The following GLDN variants were observed in gnomAD, a reference collection of about 807,000 sequenced individuals.
The protein encoded by GLDN is gliomedin.
Under a neutral mutation model 56.5 loss-of-function variants are expected in GLDN, and 47 were observed. That is an observed-to-expected ratio of 0.83 (90% confidence interval 0.66 to 1.06). The LOEUF is 1.06. GLDN is among the 50% of genes least tolerant of loss of function. The probability of loss-of-function intolerance (pLI) is 0.00; values close to 1 mark genes in which losing one functional copy is unlikely to be tolerated. For synonymous variants in GLDN, 332 were observed against 278.8 expected, an observed-to-expected ratio of 1.19 and a Z score of -1.90; for missense variants, 782 against 714.3, an observed-to-expected ratio of 1.09 and a Z score of -1.08.
chr15:51,355,574 A>G (rs1184564397), intron 1 of GLDN, among the ~76,000 whole-genome samples: 1 of 135,976 alleles, frequency 7.4e-6, no homozygotes, highest in Non-Finnish European at 1.5e-5. Flanking sequence ...CCCAGGCTGG[A>G]GTCCAGTGGC....
chr15:51,378,641 G>T (rs2037688971), intron 2 of GLDN, among the ~76,000 whole-genome samples: 1 of 152,234 alleles, frequency 6.6e-6, no homozygotes, highest in South Asian at 2.1e-4. Context: ...TGCACTGGAA[G>T]TGGGTTGAGT....
At chr15:51,355,256 G>C (rs2037151994) in intron 1 of GLDN, among the ~76,000 whole-genome samples, 1 of 152,160 alleles carries the variant, frequency 6.6e-6, no homozygotes, top group South Asian at 2.1e-4. Flanking sequence ...GGCTAAATAT[G>C]GGGTAGATTA....
chr15:51,412,554 A>G (rs2038478150), downstream of GLDN, among the ~76,000 whole-genome samples: 1 of 152,208 alleles, frequency 6.6e-6, no homozygotes, highest in Non-Finnish European at 1.5e-5. Context: ...ACTTTTGCTA[A>G]TACTAACATA....
At chr15:51,383,397 C>G in intron 2 of GLDN, 39 bp from the exon 3 acceptor site, 1 of 1,611,904 alleles carries the variant, frequency 6.2e-7, no homozygotes, top group Non-Finnish European at 8.5e-7. Flanking sequence ...TTTCTGGGTT[C>G]GGTGCTGGTT....
intron 1 of GLDN, among the ~76,000 whole-genome samples, chr15:51,370,027 G>C (rs1242336973): frequency 1.3e-5 from 2 of 152,124 alleles, no homozygotes; most frequent in Non-Finnish European, 2.9e-5. Flanking sequence ...GAGGCAGGAG[G>C]ATCTCCTGAG....
downstream of GLDN, among the ~76,000 whole-genome samples, chr15:51,411,119 T>A (rs1418622470): frequency 6.6e-6 from 1 of 152,238 alleles, no homozygotes; most frequent in Admixed American, 6.5e-5. Context: ...AGGTGGCTAC[T>A]GCTAAGCTTG....
downstream of GLDN, among the ~76,000 whole-genome samples, chr15:51,412,885 C>T (rs143593116): frequency 6.6e-6 from 1 of 152,074 alleles, no homozygotes; most frequent in Non-Finnish European, 1.5e-5. Context: ...GAAACTTTAC[C>T]GTCTATGAGC....
Position 51,401,615 on chromosome 15 carries a change from G to C in GLDN, c.1050G>C (p.Lys350Asn). Reference sequence around the variant, plus strand: ...CAGGCATCATGGTTAAGGAATTCAAGGATCAGCCCTCACTTCTGAATGGCA... The same window carrying C: ...CAGGCATCATGGTTAAGGAATTCAACGATCAGCCCTCACTTCTGAATGGCA... ...HFSGIMVKEF[K>N]DQPSLLNGSY... Residue 350 changes from lysine to asparagine, a missense_variant, in exon 9 of 10, where the codon AAG (lysine) becomes AAC (asparagine). Physicochemically the swap from Lys to Asn is moderately conservative, Grantham distance 94. Transcript: ENST00000335449. 8 of 1,613,986 alleles carry C rather than the reference G, an allele frequency of 5.0e-6. No homozygotes were observed. The highest frequency in any genetic ancestry group is 6.8e-6 in the Non-Finnish European group (8 of 1,179,912).
intron 2 of GLDN, 107 bp downstream of exon 2, chr15:51,377,607 G>T: frequency 1.4e-6 from 1 of 734,118 alleles, no homozygotes; most frequent in Non-Finnish European, 2.2e-6. Flanking sequence ...AATACATGTT[G>T]GTTTACTTTT....
rs1566954117 is a variant in GLDN, at chr15:51,404,610, C to G, written c.1512C>G (p.Ile504Met). 1.9e-6 allele frequency: 3 copies of G among 1,614,042 alleles called. No individual in the cohort carries two copies. The highest frequency in any genetic ancestry group is 2.2e-5 in the South Asian group (2 of 91,062). Residue 504 changes from isoleucine (I) to methionine (M), a missense_variant, in exon 10 of 10, where the codon ATC (isoleucine) becomes ATG (methionine). Coordinates refer to ENST00000335449, the MANE Select transcript of GLDN (RefSeq NM_181789.4). ...TTGATTTGTTAGGAGGGAAACAGAT[C>G]AATGCAAACTTTGATTTAAGAACTT... is the stretch of plus-strand genomic sequence containing the variant. ...FAFDLLGGKQ[I>M]NANFDLRTSQ...
At position 51,342,005 on chromosome 15, in the gene GLDN, G is replaced by C; in HGVS notation, c.321G>C (p.Glu107Asp). ...SGEPAPHIRA[E>D]SHDMLMMMTY... ...AGCCCGCGCCGCATATCCGCGCCGAGAGCCATGACATGCTGATGATGATGA... is the reference window on the plus strand; with the variant it reads ...AGCCCGCGCCGCATATCCGCGCCGACAGCCATGACATGCTGATGATGATGA... Residue 107 changes from glutamate to aspartate, a missense_variant, in exon 1 of 10, where the codon GAG becomes GAC. Coordinates refer to ENST00000335449, the MANE Select transcript of GLDN (RefSeq NM_181789.4). 1.3e-6 allele frequency: 2 copies of C among 1,597,790 alleles called. No homozygotes were observed. The highest frequency in any genetic ancestry group is 1.1e-5 in the South Asian group (1 of 91,034).
chr15:51,387,370 T>C (rs2037920089), intron 4 of GLDN, among the ~76,000 whole-genome samples: 1 of 152,134 alleles, frequency 6.6e-6, no homozygotes, highest in African/African-American at 2.4e-5. Context: ...CAACATGAGA[T>C]GTATGTTTGA....
At chr15:51,360,139 T>C (rs1282109515) in intron 1 of GLDN, 2 of 152,244 alleles carry the variant, frequency 1.3e-5, no homozygotes, top group African/African-American at 2.4e-5. Flanking sequence ...GGAAACTCTA[T>C]TGAATTTGGC....
At chr15:51,399,640 A>G (rs2038207090) in intron 6 of GLDN, among the ~76,000 whole-genome samples, 1 of 152,160 alleles carries the variant, frequency 6.6e-6, no homozygotes, top group Non-Finnish European at 1.5e-5. Context: ...GGGGACTCCC[A>G]TGTCTCTAGG....
At chr15:51,373,434 T>C (rs1308212121) in intron 1 of GLDN, among the ~76,000 whole-genome samples, 1 of 152,234 alleles carries the variant, frequency 6.6e-6, no homozygotes, top group Admixed American at 6.5e-5. Flanking sequence ...ACTGACTATA[T>C]TTACTGATAA....
intron 3 of GLDN, 29 bp downstream of exon 3, chr15:51,383,482 G>A (rs1228709246): frequency 6.2e-7 from 1 of 1,613,328 alleles, no homozygotes. Flanking sequence ...TCTAGTTCAA[G>A]GGGAGGCTGT....
At chr15:51,377,428 A>G in intron 1 of GLDN, 21 bp from the exon 2 acceptor site, 1 of 1,609,646 alleles carries the variant, frequency 6.2e-7, no homozygotes, top group Non-Finnish European at 8.5e-7. Context: ...GTCTGCTCTG[A>G]TGACCCTCTC....
intron 6 of GLDN, 48 bp downstream of exon 6, chr15:51,397,646 A>G (rs2038164539): frequency 5.3e-6 from 8 of 1,502,594 alleles, no homozygotes; most frequent in Non-Finnish European, 6.3e-6. Context: ...CAATTATTCC[A>G]AACTCTTGGT....
chr15:51,360,499 G>T (rs2037274777), intron 1 of GLDN: 1 of 152,318 alleles, frequency 6.6e-6, no homozygotes. Context: ...GCCCGGGGCA[G>T]GCACCAACCC....
Sources: gnomAD v4.1 joint callset for allele counts (sites outside exome capture counted in the v4.1 genomes callset) on GRCh38, gnomAD v4.1.1 for gene constraint, MANE v1.5 for transcripts, NCBI Gene and HGNC (gene_info 2026-07-23, HGNC 2026-07-21) for gene names.